Variants in SON observed in about 807,000 individuals in gnomAD.
SON encodes SON DNA and RNA binding protein, also known as protein SON.
Under a neutral mutation model 173.3 loss-of-function variants are expected in SON, and 4 were observed. The ratio of observed to expected loss-of-function variants is 0.02; its 90% CI spans 0.01 to 0.05. SON has a LOEUF of 0.05. SON is among the 10% of genes least tolerant of loss of function. SON has a pLI of 1.00. For synonymous variants in SON, 1,190 were observed against 1,105.9 expected (o/e 1.08, Z -1.51); for missense variants, 2,626 against 3,055.3 (o/e 0.86, Z 3.31).
In SON at chr21:33,549,910, G is replaced by C; in HGVS notation, c.679G>C (p.Glu227Gln). ...VSTSVISEQS[E>Q]QSVAVMPEPS... ...TACATCAGTAATCTCAGAGCAGTCA[G>C]AGCAGTCTGTGGCAGTAATGCCAGA... The change falls in exon 3 of 12, where the codon GAG becomes CAG. Residue 227 changes from glutamate to glutamine, a missense_variant. Around this residue, in one of 13 missense-constraint regions of SON, gnomAD observed 757 missense variants for 730.1 expected, o/e 1.04. Coordinates refer to ENST00000356577, the MANE Select transcript of SON (RefSeq NM_138927.4). 1.2e-6 allele frequency: 2 copies of C among 1,614,226 alleles called. No individual in the cohort carries two copies. The highest frequency in any genetic ancestry group is 8.5e-7 in the Non-Finnish European group (1 of 1,180,048).
intron 1 of SON, among the ~76,000 whole-genome samples, chr21:33,544,398 T>C (rs1260296506): frequency 2.0e-5 from 3 of 152,220 alleles, no homozygotes; most frequent in African/African-American, 7.2e-5. Context: ...AATAAGTAGT[T>C]GTTTGCTTAG....
chr21:33,546,039 G>A (rs1482890963), intron 1 of SON, among the ~76,000 whole-genome samples, 174 bp from the exon 2 acceptor site: 2 of 152,202 alleles, frequency 1.3e-5, no homozygotes, highest in Non-Finnish European at 2.9e-5. Context: ...AAAATGAAAT[G>A]TCCAAAATAT....
At position 33,576,253 on chromosome 21, in the gene SON, A is replaced by G. The variant is rs2086398112; in HGVS notation, c.7222-112A>G. ...GTTGAGATTATAATTTGACTTACAT[A>G]GTATGGGTTTTATATTTTTGTAAAT... On this transcript the variant is annotated intron_variant, in intron 11 of 11. Coordinates refer to ENST00000356577, the MANE Select transcript of SON (RefSeq NM_138927.4). 4.3e-6 allele frequency: 3 copies of G among 696,694 alleles called. No homozygotes were observed. The Admixed American group carries it at 6.5e-5, about 15-fold the overall frequency. 43.2% of individuals were successfully genotyped at this position (696,694 alleles called of 1,614,324 possible).
intron 6 of SON, chr21:33,560,016 T>C (rs2086042142): frequency 4.3e-6 from 7 of 1,614,220 alleles, no homozygotes; most frequent in East Asian, 2.2e-5. Flanking sequence ...AACAGTGTTA[T>C]CACATCCCTA....
chr21:33,563,094 T>C (rs1234201807), intron 6 of SON, among the ~76,000 whole-genome samples: 1 of 152,116 alleles, frequency 6.6e-6, no homozygotes, highest in East Asian at 1.9e-4. Context: ...TGGAGAAAAA[T>C]GAAAATTTTA....
At position 33,549,716 on chromosome 21, in the gene SON, C is replaced by T. The variant is rs745855456; in HGVS notation, c.485C>T (p.Pro162Leu). 3 of 1,613,526 alleles carry T rather than the reference C, an allele frequency of 1.9e-6. No individual in the cohort carries two copies. In the East Asian group the frequency reaches 6.7e-5, roughly 36 times the overall value. The stretch of plus-strand genomic sequence containing the variant: ...TCCTTTTTAAAGTTTGATTCTGAAC[C>T]TTCAGCTGTGGCGCTGGAGCTTCCT... ...SDSFLKFDSE[P>L]SAVALELPTR... The change falls in exon 3 of 12, where the codon CCT becomes CTT. Residue 162 changes from proline (P) to leucine (L), a missense_variant. Physicochemically the swap from Pro to Leu is moderately conservative, Grantham distance 98 (BLOSUM62 -3). Around this residue, in one of 13 missense-constraint regions of SON, gnomAD observed 757 missense variants for 730.1 expected, o/e 1.04. Transcript: ENST00000356577.
At chr21:33,565,967 T>C (rs939559215) in intron 6 of SON, among the ~76,000 whole-genome samples, 2 of 152,184 alleles carry the variant, frequency 1.3e-5, no homozygotes, top group East Asian at 1.9e-4. Flanking sequence ...GCATGAGTTA[T>C]AATTATTCTC....
chr21:33,550,369 G>A lies in SON; in HGVS notation c.1138G>A (p.Ala380Thr), dbSNP rs777596111. ...LELQESSVAS[A>T]MELPGPPATS... The stretch of plus-strand genomic sequence containing the variant: ...GCTGCAGGAGTCGTCGGTGGCCTCA[G>A]CGATGGAGTTGCCGGGGCCACCTGC... The change falls in exon 3 of 12, where the codon GCG (alanine) becomes ACG (threonine). Residue 380 changes from alanine to threonine, a missense_variant. Physicochemically the swap from Ala to Thr is moderately conservative, Grantham distance 58. Coordinates refer to ENST00000356577, the MANE Select transcript of SON (RefSeq NM_138927.4). The A allele has an allele frequency of 2.5e-5, 40 of 1,614,116 alleles. No individual in the cohort carries two copies. The highest frequency in any genetic ancestry group is 3.4e-5 in the Non-Finnish European group (40 of 1,180,018).
intron 7 of SON, 166 bp downstream of exon 7, chr21:33,567,433 T>C: frequency 1.7e-6 from 1 of 593,274 alleles, no homozygotes; most frequent in African/African-American, 1.9e-5. Flanking sequence ...ATTCGAGGCC[T>C]GATCATTTAT....
In SON at chr21:33,556,851, G is replaced by C. The variant is rs985414545; in HGVS notation, c.6161-305G>C. On this transcript the variant is annotated intron_variant, in intron 3 of 11. Coordinates refer to ENST00000356577, the MANE Select transcript of SON (RefSeq NM_138927.4). ...TTTATATCTTAGAGTGTGTGTAGTA[G>C]GGTGATCATTATAGTTGTGTAGTAA... Among the ~76,000 whole-genome samples the C allele has an allele frequency of 3.3e-5, 5 of 151,944 alleles. 1 individual carries two copies. Among genetic ancestry groups the C allele is most frequent in the African/African-American group, 1.2e-4 (5 of 41,402 alleles).
rs552264664 is a variant in SON, at chr21:33,546,424, T to C, written c.244+45T>C. 1,818 of 1,508,558 alleles carry C rather than the reference T, an allele frequency of 1.2e-3. 39 individuals carry two copies. The South Asian group carries it at 0.021, about 18-fold the overall frequency. 93.4% of individuals were successfully genotyped at this position (1,508,558 alleles called of 1,614,324 possible). On this transcript the variant is annotated intron_variant, in intron 2 of 11. Transcript: ENST00000356577. ...CTGTCTCAAAAATTTTCTTTTAAGA[T>C]TTTTTTGAAATTTGAAGGTTAATGT...
chr21:33,575,011 G>C (rs1370713706), intron 9 of SON, among the ~76,000 whole-genome samples: 1 of 152,088 alleles, frequency 6.6e-6, no homozygotes, highest in African/African-American at 2.4e-5. Flanking sequence ...TTAAGAGACA[G>C]TAAATCTGCA....
chr21:33,543,646 C>T (rs1033441549), intron 1 of SON, among the ~76,000 whole-genome samples: 1 of 152,226 alleles, frequency 6.6e-6, no homozygotes, highest in African/African-American at 2.4e-5. Flanking sequence ...GAGCTTCAGA[C>T]CGCTTGGGGG....
chr21:33,571,193 C>CTGA (rs1183170065), intron 8 of SON, among the ~76,000 whole-genome samples: 9 of 152,052 alleles, frequency 5.9e-5, no homozygotes, highest in South Asian at 2.1e-4. Flanking sequence ...TATAGAATTA[C>CTGA]TGAAGAATAT....
intron 6 of SON, among the ~76,000 whole-genome samples, chr21:33,564,590 G>A (rs938641902): frequency 2.6e-5 from 4 of 152,212 alleles, no homozygotes; most frequent in Non-Finnish European, 5.9e-5. Context: ...GCCAGGCACA[G>A]TGGCTCACGC....
chr21:33,566,140 T>A (rs953164655), intron 6 of SON, among the ~76,000 whole-genome samples: 3 of 152,176 alleles, frequency 2.0e-5, no homozygotes, highest in African/African-American at 7.2e-5. Flanking sequence ...TCATGCAGTG[T>A]CTACTTATTC....
chr21:33,572,743 ATTTG>A (rs2086311367), intron 8 of SON: 1 of 368,308 alleles, frequency 2.7e-6, no homozygotes, highest in Non-Finnish European at 4.7e-6. Flanking sequence ...ATTGTTTTCT[ATTTG>A]TTACTGTGTA....
At chr21:33,546,150 TTGG>T (rs2085608747) in intron 1 of SON, 60 bp from the exon 2 acceptor site, 14 of 1,393,232 alleles carry the variant, frequency 1.0e-5, no homozygotes, top group Non-Finnish European at 1.4e-5. Context: ...TTGTAATTAA[TTGG>T]ATTTTTTTAT....
chr21:33,575,592 A>T lies in SON; in HGVS notation c.7034-4A>T, dbSNP rs1664999438. 20 of 1,584,582 alleles carry T rather than the reference A, an allele frequency of 1.3e-5. No homozygotes were observed. The highest frequency in any genetic ancestry group is 3.6e-5 in the Admixed American group (2 of 56,074). ...TTTATTTAGTGAACAATTTTTTTTTAAAGGTCTTGTTGCAGTAGGAGAAAG... is the reference window on the plus strand; with the variant it reads ...TTTATTTAGTGAACAATTTTTTTTTTAAGGTCTTGTTGCAGTAGGAGAAAG... On this transcript the variant is annotated splice_polypyrimidine_tract_variant and splice_region_variant and intron_variant, in intron 9 of 11. Coordinates refer to ENST00000356577, the MANE Select transcript of SON (RefSeq NM_138927.4).
Sources: gnomAD v4.1 joint callset for allele counts (sites outside exome capture counted in the v4.1 genomes callset) on GRCh38, gnomAD v4.1.1 for gene constraint, gnomAD v4.1.1 regional missense constraint, MANE v1.5 for transcripts, NCBI Gene and HGNC (gene_info 2026-07-23, HGNC 2026-07-21) for gene names.